Variants in CNTN5 observed in about 807,000 individuals in gnomAD.
CNTN5 encodes contactin 5.
CNTN5 carries 77 observed loss-of-function variants against 129.1 expected under a neutral mutation model. The observed-to-expected ratio is 0.60, with a 90% CI of 0.50 to 0.72. CNTN5 has a LOEUF of 0.72. CNTN5 is among the 30% of genes least tolerant of loss of function. CNTN5 has a pLI of 0.00. For synonymous variants in CNTN5, 509 were observed against 465.6 expected (o/e 1.09, Z -1.20); for missense variants, 1,478 against 1,328.8 (o/e 1.11, Z -1.75).
intron 9 of CNTN5, among the ~76,000 whole-genome samples, chr11:100,038,273 C>T (rs1219511342): frequency 1.9e-4 from 29 of 152,036 alleles, no homozygotes; most frequent in Non-Finnish European, 3.5e-4. Flanking sequence ...TGTAGTTGAG[C>T]GGTTTTGAGT....
chr11:100,193,863 A>G (rs756051559), intron 15 of CNTN5, among the ~76,000 whole-genome samples, 200 bp downstream of exon 15: 4 of 151,914 alleles, frequency 2.6e-5, no homozygotes, highest in African/African-American at 7.2e-5. Context: ...CCCAGTAAAA[A>G]ACTGAGAATA....
chr11:99,624,748 C>G (rs1374798225), intron 3 of CNTN5, among the ~76,000 whole-genome samples: 1 of 152,176 alleles, frequency 6.6e-6, no homozygotes, highest in African/African-American at 2.4e-5. Context: ...GCAAATGTGA[C>G]TGATACATGT....
At chr11:99,480,984 C>T (rs1390133430) in intron 2 of CNTN5, among the ~76,000 whole-genome samples, 3 of 152,048 alleles carry the variant, frequency 2.0e-5, no homozygotes, top group African/African-American at 7.2e-5. Flanking sequence ...GTCCTTGAAA[C>T]TTTTGAGAAG....
At chr11:99,531,638 G>T (rs1947709859) in intron 2 of CNTN5, among the ~76,000 whole-genome samples, 2 of 152,306 alleles carry the variant, frequency 1.3e-5, no homozygotes, top group African/African-American at 4.8e-5. Flanking sequence ...GCTGTGTGCA[G>T]CCTATGGACT....
chr11:99,510,933 G>A (rs905252526), intron 2 of CNTN5, among the ~76,000 whole-genome samples: 2 of 152,054 alleles, frequency 1.3e-5, no homozygotes, highest in Admixed American at 6.6e-5. Context: ...TGACAGCTTC[G>A]TGCATCTTAT....
intron 3 of CNTN5, among the ~76,000 whole-genome samples, chr11:99,673,867 G>T (rs533715936): frequency 1.3e-5 from 2 of 152,210 alleles, no homozygotes; most frequent in African/African-American, 4.8e-5. Context: ...GAGCATTTAG[G>T]TTGATTCCCT....
intron 2 of CNTN5, among the ~76,000 whole-genome samples, chr11:99,486,851 C>T (rs1252394949): frequency 1.3e-5 from 2 of 152,034 alleles, no homozygotes; most frequent in East Asian, 3.9e-4. Context: ...TATTTTCTTA[C>T]TACACAAAAG....
chr11:99,723,722 A>G (rs1361005004), intron 3 of CNTN5, among the ~76,000 whole-genome samples: 2 of 152,048 alleles, frequency 1.3e-5, no homozygotes, highest in Non-Finnish European at 2.9e-5. Flanking sequence ...ACCTGCAGCA[A>G]TGCCTGATAA....
At chr11:99,920,997 T>C (rs1275547949) in intron 7 of CNTN5, among the ~76,000 whole-genome samples, 1 of 152,184 alleles carries the variant, frequency 6.6e-6, no homozygotes, top group African/African-American at 2.4e-5. Context: ...GAGAGCTCTC[T>C]TTCTCTACTG....
intron 1 of CNTN5, among the ~76,000 whole-genome samples, chr11:99,269,591 A>T (rs1192352657): frequency 1.3e-5 from 2 of 151,910 alleles, no homozygotes; most frequent in Non-Finnish European, 2.9e-5. Context: ...CTCAGAGTCA[A>T]TGTAAGGTCT....
At chr11:99,080,077 T>G (rs1226349735) in intron 1 of CNTN5, among the ~76,000 whole-genome samples, 1 of 152,190 alleles carries the variant, frequency 6.6e-6, no homozygotes, top group Non-Finnish European at 1.5e-5. Flanking sequence ...AATTTTATTA[T>G]AAAACAAAAC....
intron 16 of CNTN5, among the ~76,000 whole-genome samples, chr11:100,254,667 G>C (rs7121834): frequency 0.034 from 5,227 of 152,154 alleles, 326 homozygotes; most frequent in African/African-American, 0.12. Flanking sequence ...TCTTACTGAA[G>C]CTGTATTGTT....
chr11:99,786,188 A>T (rs1044311850), intron 3 of CNTN5, among the ~76,000 whole-genome samples: 1 of 152,266 alleles, frequency 6.6e-6, no homozygotes. Context: ...TGCAAAAATC[A>T]AAAGAATTCC....
intron 2 of CNTN5, among the ~76,000 whole-genome samples, chr11:99,478,056 T>C (rs79564756): frequency 0.02 from 3,120 of 152,214 alleles, 115 homozygotes; most frequent in African/African-American, 0.07. Flanking sequence ...ATTTCAAATA[T>C]CTTTTCTTTA....
intron 6 of CNTN5, among the ~76,000 whole-genome samples, chr11:99,914,373 G>C (rs1045888038): frequency 6.6e-6 from 1 of 151,982 alleles, no homozygotes; most frequent in African/African-American, 2.4e-5. Context: ...GGAAAAAAAA[G>C]CCTCTAAGAA....
chr11:100,066,387 A>G (rs1943696437), intron 10 of CNTN5, among the ~76,000 whole-genome samples: 3 of 152,156 alleles, frequency 2.0e-5, no homozygotes, highest in Admixed American at 2.0e-4. Context: ...ACTCCTCAAT[A>G]CATAAGAGTA....
intron 1 of CNTN5, among the ~76,000 whole-genome samples, chr11:99,174,270 A>T (rs1857670469): frequency 6.6e-6 from 1 of 152,148 alleles, no homozygotes; most frequent in Non-Finnish European, 1.5e-5. Flanking sequence ...AAGTGCTGGG[A>T]TTACAGGCAT....
At chr11:99,193,061 A>T (rs1858726310) in intron 1 of CNTN5, among the ~76,000 whole-genome samples, 1 of 152,128 alleles carries the variant, frequency 6.6e-6, no homozygotes, top group Non-Finnish European at 1.5e-5. Context: ...GTTTCTCTTA[A>T]ATGTATTTAT....
At chr11:99,641,809 C>T (rs1951782416) in intron 3 of CNTN5, among the ~76,000 whole-genome samples, 1 of 152,092 alleles carries the variant, frequency 6.6e-6, no homozygotes, top group Non-Finnish European at 1.5e-5. Flanking sequence ...CCAACTTTTC[C>T]AACCCTGCTC....
Sources: allele counts gnomAD v4.1 joint callset (sites outside exome capture counted in the v4.1 genomes callset), GRCh38; gene constraint gnomAD v4.1.1; transcripts MANE v1.5; gene names NCBI Gene and HGNC (gene_info 2026-07-23, HGNC 2026-07-21).